The following ALDH9A1 variants were observed in gnomAD, a reference collection of about 807,000 sequenced individuals.
ALDH9A1 encodes the protein aldehyde dehydrogenase 9 family member A1.
In ALDH9A1, 42 loss-of-function variants were observed where a neutral mutation model predicts 56.6. The ratio of observed to expected loss-of-function variants is 0.74; its 90% CI spans 0.58 to 0.96. The LOEUF is 0.96. Among genes scored for constraint, ALDH9A1 ranks in the 40% least tolerant of loss-of-function variants. The pLI, the probability that ALDH9A1 is intolerant of heterozygous loss-of-function variation, is 0.00. For missense variants in ALDH9A1, 661 were observed against 651.5 expected (o/e 1.01, Z -0.16); for synonymous variants, 242 against 236.0 (o/e 1.03, Z -0.23).
intron 3 of ALDH9A1, 88 bp from the exon 4 acceptor site, chr1:165,682,329 G>T: frequency 1.4e-6 from 2 of 1,420,148 alleles, no homozygotes; most frequent in Non-Finnish European, 1.9e-6. Flanking sequence ...TTGTACTCCA[G>T]TCAACGCAGC....
Position 165,680,614 on chromosome 1 carries a change from C to G in ALDH9A1, c.662G>C (p.Ser221Thr), listed in dbSNP as rs1065756. ...GAGCCCAGGAGGTACACCAGCCTCA[C>G]TGTAGATTTCAGCCAGTAGCAATGC... ...VSALLLAEIY[S>T]EAGVPPGLFN... is the part of the protein sequence containing the mutation. The change falls in exon 5 of 11, where the codon AGT (serine) becomes ACT (threonine). Residue 221 changes from serine to threonine, a missense_variant. By Grantham distance (58) the Ser-to-Thr change is moderately conservative. Coordinates refer to ENST00000354775, the MANE Select transcript of ALDH9A1 (RefSeq NM_000696.4). The G allele has an allele frequency of 9.2e-3, 14,901 of 1,614,104 alleles. 420 individuals carry two copies. Among genetic ancestry groups the G allele is most frequent in the South Asian group, 0.061 (5,544 of 91,076 alleles).
chr1:165,667,196 T>C, intron 9 of ALDH9A1, 113 bp downstream of exon 9: 4 of 1,393,646 alleles, frequency 2.9e-6, no homozygotes, highest in Non-Finnish European at 3.9e-6. Context: ...CAGAAAGTGC[T>C]GATGGCTCCT....
chr1:165,669,795 A>G (rs765881044), intron 6 of ALDH9A1, among the ~76,000 whole-genome samples: 17 of 152,190 alleles, frequency 1.1e-4, no homozygotes, highest in Non-Finnish European at 2.1e-4. Flanking sequence ...TAAGAATGGA[A>G]GGGAACTTAA....
Position 165,662,689 on chromosome 1 carries a change from G to C in ALDH9A1, c.*361C>G. Reference sequence around the variant, plus strand: ...AATACCACTGCACTTGGATCAGCCAGGAACAAGTTCTTTGAAATACGCCAG... The same window carrying C: ...AATACCACTGCACTTGGATCAGCCACGAACAAGTTCTTTGAAATACGCCAG... On this transcript the variant is annotated 3_prime_UTR_variant, in exon 11 of 11. Transcript: ENST00000354775. 5.3e-6 allele frequency: 1 copy of C among 188,434 alleles called. No individual in the cohort carries two copies. The highest frequency in any genetic ancestry group is 1.2e-4 in the South Asian group (1 of 8,244). 11.7% of individuals were successfully genotyped at this position (188,434 alleles called of 1,614,324 possible).
intron 1 of ALDH9A1, among the ~76,000 whole-genome samples, chr1:165,696,310 G>T (rs1395115509): frequency 6.6e-6 from 1 of 152,124 alleles, no homozygotes. Flanking sequence ...AAGAACCCCT[G>T]CCCTCTACTA....
intron 2 of ALDH9A1, among the ~76,000 whole-genome samples, chr1:165,690,207 T>G (rs1031473876): frequency 1.3e-5 from 2 of 149,980 alleles, no homozygotes; most frequent in Non-Finnish European, 3.0e-5. Flanking sequence ...ATTATATGTG[T>G]TTTATATGTA....
rs1571162422 is a variant in ALDH9A1, at chr1:165,662,823, C to T, written c.*227G>A. On this transcript the variant is annotated 3_prime_UTR_variant, in exon 11 of 11. Coordinates refer to ENST00000354775, the MANE Select transcript of ALDH9A1 (RefSeq NM_000696.4). ...GCTCTTAAAAGATTTCACAAAAATA[C>T]GCTTTGAGGAGAATCACAGCTTTCT... The T allele has an allele frequency of 2.0e-6, 1 of 504,588 alleles. No individual in the cohort carries two copies. The highest frequency in any genetic ancestry group is 2.6e-5 in the South Asian group (1 of 39,206). 31.3% of individuals were successfully genotyped at this position (504,588 alleles called of 1,614,324 possible).
chr1:165,694,503 TCTC>T (rs201569918), intron 2 of ALDH9A1, among the ~76,000 whole-genome samples: 2 of 135,514 alleles, frequency 1.5e-5, no homozygotes, highest in African/African-American at 5.2e-5. Flanking sequence ...AAAGTTTAAC[TCTC>T]TTTTTTTTAA....
intron 6 of ALDH9A1, chr1:165,671,267 G>A (rs1357779468): frequency 1.2e-5 from 3 of 242,088 alleles, no homozygotes; most frequent in Admixed American, 9.8e-5. Flanking sequence ...TGGGTCACAT[G>A]CACGCTTCTG....
At chr1:165,680,918 G>C (rs1649531175) in intron 4 of ALDH9A1, among the ~76,000 whole-genome samples, 2 of 152,212 alleles carry the variant, frequency 1.3e-5, no homozygotes, top group Non-Finnish European at 2.9e-5. Flanking sequence ...CACATGGCTA[G>C]GGAGGCCTCA....
intron 4 of ALDH9A1, 76 bp downstream of exon 4, chr1:165,682,031 A>C: frequency 6.4e-7 from 1 of 1,560,230 alleles, no homozygotes; most frequent in Non-Finnish European, 8.7e-7. Flanking sequence ...TAGAGAGGTG[A>C]AAGGTAGAGA....
chr1:165,688,038 T>G (rs998923764), intron 2 of ALDH9A1, among the ~76,000 whole-genome samples: 1 of 149,668 alleles, frequency 6.7e-6, no homozygotes, highest in Non-Finnish European at 1.5e-5. Flanking sequence ...AATTCTAGGC[T>G]GGGTACAGTG....
At chr1:165,675,418 G>A (rs1649327753) in intron 6 of ALDH9A1, among the ~76,000 whole-genome samples, 2 of 151,952 alleles carry the variant, frequency 1.3e-5, no homozygotes, top group South Asian at 4.2e-4. Flanking sequence ...CCTCTAATGT[G>A]CTACCTTTTG....
At chr1:165,679,252 A>C (rs778450620) in intron 6 of ALDH9A1, among the ~76,000 whole-genome samples, 190 bp downstream of exon 6, 2 of 152,240 alleles carry the variant, frequency 1.3e-5, no homozygotes, top group Non-Finnish European at 2.9e-5. Flanking sequence ...GATAAAGAAG[A>C]TGATAAAGTG....
At chr1:165,671,326 CTGAAGT>C (rs1256841699) in intron 6 of ALDH9A1, 2 of 381,808 alleles carry the variant, frequency 5.2e-6, no homozygotes, top group East Asian at 1.5e-4. Flanking sequence ...AGCATCCCCA[CTGAAGT>C]GGGGTTGCTG....
At chr1:165,682,684 T>A (rs937971203) in intron 3 of ALDH9A1, 2 of 350,520 alleles carry the variant, frequency 5.7e-6, no homozygotes, top group South Asian at 6.5e-5. Flanking sequence ...CTGGTAAATA[T>A]GACAAACCGA....
chr1:165,689,214 T>C (rs542637663), intron 2 of ALDH9A1, among the ~76,000 whole-genome samples: 155 of 152,280 alleles, frequency 1.0e-3, no homozygotes, highest in African/African-American at 3.6e-3. Flanking sequence ...GGGAGAAAAT[T>C]CTATATGAAT....
intron 2 of ALDH9A1, 92 bp downstream of exon 2, chr1:165,695,160 G>T: frequency 7.4e-7 from 1 of 1,354,720 alleles, no homozygotes; most frequent in Non-Finnish European, 9.9e-7. Flanking sequence ...AAAACGTTAC[G>T]GCCTAATGTT....
In ALDH9A1 at chr1:165,698,542, C is replaced by A. The variant is rs1650181285; in HGVS notation, c.17G>T (p.Gly6Val). The change falls in exon 1 of 11, where the codon GGC becomes GTC. Residue 6 changes from glycine to valine, a missense_variant. Physicochemically the swap from Gly to Val is moderately radical, Grantham distance 109. Transcript: ENST00000354775. ...AAGAAGCGGGGAGAGCGCGGCCAGGCCTGCTCGGAGAAACATGAGTGGCGG... is the reference window on the plus strand; with the variant it reads ...AAGAAGCGGGGAGAGCGCGGCCAGGACTGCTCGGAGAAACATGAGTGGCGG... MFLRAGLAALSPLLRS... is the reference protein window; with the variant it reads MFLRAVLAALSPLLRS... 2.3e-5 allele frequency: 37 copies of A among 1,608,390 alleles called. No individual in the cohort carries two copies. Among genetic ancestry groups the A allele is most frequent in the Non-Finnish European group, 3.0e-5 (35 of 1,178,320 alleles).
Sources: gnomAD v4.1 joint callset for allele counts (sites outside exome capture counted in the v4.1 genomes callset) on GRCh38, gnomAD v4.1.1 for gene constraint, MANE v1.5 for transcripts, NCBI Gene and HGNC (gene_info 2026-07-23, HGNC 2026-07-21) for gene names.